Variants in KHDRBS2 observed in about 807,000 individuals in gnomAD.
KHDRBS2 encodes KH RNA binding domain containing, signal transduction associated 2.
KHDRBS2 carries 26 observed loss-of-function variants against 44.3 expected under a neutral mutation model. The observed-to-expected ratio is 0.59, with a 90% CI of 0.43 to 0.81. KHDRBS2 has a LOEUF of 0.81. Among genes scored for constraint, KHDRBS2 ranks in the 40% least tolerant of loss-of-function variants. KHDRBS2 has a pLI of 0.00. For synonymous variants in KHDRBS2, 194 were observed against 151.1 expected, an observed-to-expected ratio of 1.28 and a Z score of -2.08; for missense variants, 476 against 433.1, an observed-to-expected ratio of 1.10 and a Z score of -0.88.
chr6:61,552,045 G>T, the KHDRBS2 span, among the ~76,000 whole-genome samples: 1 of 151,870 alleles, frequency 6.6e-6, no homozygotes, highest in African/African-American at 2.4e-5. Context: ...ATCAGCTCAA[G>T]GAGCTTTGGG....
chr6:62,086,989 C>A (rs1326051894), intron 2 of KHDRBS2, among the ~76,000 whole-genome samples: 2 of 150,894 alleles, frequency 1.3e-5, no homozygotes, highest in Admixed American at 1.3e-4. Flanking sequence ...GGATGAGAGC[C>A]AGGAAATGAC....
intron 6 of KHDRBS2, among the ~76,000 whole-genome samples, chr6:61,752,538 A>T (rs1160778740): frequency 6.6e-6 from 1 of 152,090 alleles, no homozygotes. Flanking sequence ...TTAAATTTGC[A>T]TTCCATTAGC....
At chr6:61,597,998 A>C in the KHDRBS2 span, among the ~76,000 whole-genome samples, 1 of 149,978 alleles carries the variant, frequency 6.7e-6, no homozygotes, top group East Asian at 2.0e-4. Flanking sequence ...TCTAAGGAGC[A>C]AATATTTTGT....
intron 4 of KHDRBS2, among the ~76,000 whole-genome samples, chr6:61,955,967 C>G (rs1211546484): frequency 1.3e-5 from 2 of 152,072 alleles, no homozygotes; most frequent in African/African-American, 2.4e-5. Context: ...TGCAAGAAGT[C>G]TAGCTATAGA....
intron 2 of KHDRBS2, among the ~76,000 whole-genome samples, chr6:62,175,611 T>A (rs1358093645): frequency 6.6e-6 from 1 of 151,654 alleles, no homozygotes; most frequent in African/African-American, 2.4e-5. Context: ...AGCCTAAGCA[T>A]TCCATGATTT....
At chr6:61,972,877 G>A (rs1283727838) in intron 4 of KHDRBS2, among the ~76,000 whole-genome samples, 4 of 152,066 alleles carry the variant, frequency 2.6e-5, no homozygotes, top group Non-Finnish European at 4.4e-5. Context: ...CAGGTGTGGC[G>A]GCTGATGCCT....
intron 6 of KHDRBS2, among the ~76,000 whole-genome samples, chr6:61,831,591 C>G (rs914515125): frequency 2.0e-5 from 3 of 151,848 alleles, no homozygotes; most frequent in Non-Finnish European, 4.4e-5. Context: ...CATAGTATAA[C>G]CCAATTAAAA....
At chr6:61,785,348 G>T (rs1355485489) in intron 6 of KHDRBS2, among the ~76,000 whole-genome samples, 2 of 152,162 alleles carry the variant, frequency 1.3e-5, no homozygotes, top group Middle Eastern at 6.8e-3. Context: ...TGTAGGAAAA[G>T]TAATATTCCT....
chr6:62,113,171 A>G (rs1440206003), intron 2 of KHDRBS2, among the ~76,000 whole-genome samples: 2 of 152,106 alleles, frequency 1.3e-5, no homozygotes, highest in East Asian at 3.8e-4. Flanking sequence ...GAAGCCTAGA[A>G]GAACCCTCCC....
intron 7 of KHDRBS2, among the ~76,000 whole-genome samples, chr6:61,707,656 C>T (rs1438881845): frequency 2.0e-5 from 3 of 151,476 alleles, no homozygotes; most frequent in Non-Finnish European, 3.0e-5. Context: ...TAGTAGTCTC[C>T]GAATCCGGTC....
chr6:62,166,415 A>G (rs1818702687), intron 2 of KHDRBS2, among the ~76,000 whole-genome samples: 1 of 152,052 alleles, frequency 6.6e-6, no homozygotes, highest in Non-Finnish European at 1.5e-5. Flanking sequence ...TCTTTATAAA[A>G]TGGCATAAAT....
the KHDRBS2 span, among the ~76,000 whole-genome samples, chr6:61,563,937 A>G: frequency 3.3e-5 from 5 of 152,082 alleles, no homozygotes; most frequent in Non-Finnish European, 7.4e-5. Flanking sequence ...GCAATAGAGG[A>G]ATGAGAGTCC....
At chr6:61,667,878 T>A in the KHDRBS2 span, among the ~76,000 whole-genome samples, 4 of 151,304 alleles carry the variant, frequency 2.6e-5, no homozygotes, top group South Asian at 8.3e-4. Context: ...AATAAATCAT[T>A]TGAATATTAC....
At chr6:62,176,232 G>A (rs895897051) in intron 2 of KHDRBS2, among the ~76,000 whole-genome samples, 1 of 151,320 alleles carries the variant, frequency 6.6e-6, no homozygotes, top group East Asian at 1.9e-4. Flanking sequence ...ATATACCTAT[G>A]TAACACAGCT....
At chr6:62,028,797 C>T (rs1403013146) in intron 3 of KHDRBS2, among the ~76,000 whole-genome samples, 4 of 152,072 alleles carry the variant, frequency 2.6e-5, no homozygotes, top group Admixed American at 2.6e-4. Context: ...TTATGCTCAA[C>T]TTTCAACTAG....
intron 1 of KHDRBS2, among the ~76,000 whole-genome samples, chr6:62,228,551 A>G (rs555139534): frequency 5.3e-5 from 8 of 151,606 alleles, no homozygotes; most frequent in Non-Finnish European, 1.2e-4. Context: ...CTCTGATCTT[A>G]GTTATTTCTT....
chr6:62,053,280 C>T (rs1230726317), intron 2 of KHDRBS2, among the ~76,000 whole-genome samples: 2 of 151,696 alleles, frequency 1.3e-5, no homozygotes, highest in African/African-American at 2.4e-5. Flanking sequence ...TATCCAAGAA[C>T]TCAGCAGGAG....
chr6:62,174,014 T>C (rs1393849427), intron 2 of KHDRBS2, among the ~76,000 whole-genome samples: 1 of 151,168 alleles, frequency 6.6e-6, no homozygotes, highest in Admixed American at 6.6e-5. Context: ...AGTGACACCC[T>C]CTCTCACTAC....
the KHDRBS2 span, among the ~76,000 whole-genome samples, chr6:61,556,233 G>A: frequency 3.3e-5 from 5 of 152,192 alleles, no homozygotes; most frequent in Non-Finnish European, 5.9e-5. Context: ...GATGATAGCA[G>A]CATCGGGCAG....
Sources: gnomAD v4.1 joint callset for allele counts (sites outside exome capture counted in the v4.1 genomes callset) on GRCh38, gnomAD v4.1.1 for gene constraint, MANE v1.5 for transcripts, NCBI Gene and HGNC (gene_info 2026-07-23, HGNC 2026-07-21) for gene names.